Variants in LENG8 observed in about 807,000 individuals in gnomAD.
The protein encoded by LENG8 is leukocyte receptor cluster member 8.
In LENG8, 28 loss-of-function variants were observed where a neutral mutation model predicts 102.1. The ratio of observed to expected loss-of-function variants is 0.27; its 90% CI spans 0.20 to 0.38. The LOEUF is 0.38. Ranked by LOEUF, LENG8 falls within the 10% of genes least tolerant of loss-of-function variation. The pLI, the probability that LENG8 is intolerant of heterozygous loss-of-function variation, is 1.00. For missense variants in LENG8, 1,022 were observed against 1,113.9 expected, an observed-to-expected ratio of 0.92 and a Z score of 1.17; for synonymous variants, 531 against 456.7, an observed-to-expected ratio of 1.16 and a Z score of -2.07.
chr19:54,454,866 C>G, intron 6 of LENG8, 85 bp from the exon 7 acceptor site: 1 of 1,563,398 alleles, frequency 6.4e-7, no homozygotes, highest in Non-Finnish European at 8.7e-7. Flanking sequence ...AGCGCTCCTC[C>G]CTGCATTTCC....
At chr19:54,453,419 T>A in intron 4 of LENG8, 127 bp from the exon 5 acceptor site, 1 of 661,314 alleles carries the variant, frequency 1.5e-6, no homozygotes, top group Admixed American at 2.4e-5. Flanking sequence ...TGTGGTGCAT[T>A]AATATAGTGA....
Position 54,456,725 on chromosome 19 carries a change from G to T in LENG8, c.1535G>T (p.Arg512Leu), listed in dbSNP as rs200163681. ...DPERELKKQK[R>L]AARFQHGHSR... is the part of the protein sequence containing the mutation. ...GAGCGAGAGCTGAAGAAGCAGAAGC[G>T]GGCAGCCCGCTTCCAGCACGGACAC... The change falls in exon 11 of 16, where the codon CGG becomes CTG. Residue 512 changes from arginine to leucine, a missense_variant. Coordinates refer to ENST00000326764, the MANE Select transcript of LENG8 (RefSeq NM_052925.4). 6.2e-7 allele frequency: 1 copy of T among 1,612,610 alleles called. No homozygotes were observed. The highest frequency in any genetic ancestry group is 1.1e-5 in the South Asian group (1 of 90,970).
At chr19:54,454,724 C>T (rs778215135) in intron 6 of LENG8, 42 bp downstream of exon 6, 1 of 1,541,620 alleles carries the variant, frequency 6.5e-7, no homozygotes, top group Non-Finnish European at 8.7e-7. Context: ...CGGTTGGGCC[C>T]TCATAAGAGC....
At chr19:54,458,804 C>A in intron 15 of LENG8, 1 of 1,551,106 alleles carries the variant, frequency 6.4e-7, no homozygotes. Context: ...TCTCTTCCTC[C>A]TGTTCTCTCC....
At position 54,458,246 on chromosome 19, in the gene LENG8, C is replaced by G; in HGVS notation, c.2032+14C>G. On this transcript the variant is annotated intron_variant, in intron 14 of 15. Transcript: ENST00000326764. ...AGAACTCGGGAGGTGAGGCCCAGTC[C>G]CCAGGACAGAGGCCATGGTACCCAG... 6.2e-7 allele frequency: 1 copy of G among 1,614,106 alleles called. No homozygotes were observed.
At chr19:54,460,576 G>T in intron 15 of LENG8, 190 bp from the exon 16 acceptor site, 2 of 1,411,448 alleles carry the variant, frequency 1.4e-6, no homozygotes, top group Non-Finnish European at 1.8e-6. Context: ...CAGGGGACTG[G>T]GGTCACTAAC....
rs140299810 is a variant in LENG8 at position 54,455,404 on chromosome 19, G to A, written c.862G>A (p.Asp288Asn). The change falls in exon 8 of 16, where the codon GAC becomes AAC. Residue 288 changes from aspartate (D) to asparagine (N), a missense_variant. This residue lies in a region of LENG8 where 343 missense variants were observed against 320.2 expected (regional missense o/e 1.07). Transcript: ENST00000326764. ...ARGNLSGKPD[D>N]WPQDMKEYVE... ...GGGGAACCTGTCTGGGAAGCCGGAT[G>A]ACTGGCCCCAGGACATGAAAGAGTA... The A allele has an allele frequency of 8.2e-5, 133 of 1,614,088 alleles. No individual in the cohort carries two copies. Among genetic ancestry groups the A allele is most frequent in the Non-Finnish European group, 1.0e-4 (119 of 1,180,044 alleles).
intron 8 of LENG8, 128 bp downstream of exon 8, chr19:54,455,695 T>C: frequency 1.1e-6 from 1 of 927,280 alleles, no homozygotes; most frequent in Non-Finnish European, 1.6e-6. Context: ...GAAAGTTGGA[T>C]CCTGGGGGGA....
At position 54,458,863 on chromosome 19, in the gene LENG8, T is replaced by C. The variant is rs1014613812; in HGVS notation, c.2240+342T>C. 6 of 1,550,194 alleles carry C rather than the reference T, an allele frequency of 3.9e-6. No individual in the cohort carries two copies. The African/African-American group carries it at 8.2e-5, about 21-fold the overall frequency. ...CTTGCCCTGGGCTTCCTCAGAACCC[T>C]GAGGTCTCTGCTTTCTCAGCTTGTC... On this transcript the variant is annotated intron_variant, in intron 15 of 15. Transcript: ENST00000326764.
chr19:54,461,059 C>T lies in LENG8; in HGVS notation c.*131C>T, dbSNP rs1183192523. Reference sequence around the variant, plus strand: ...GTGCGCTCCAGGAAGAGCCACCATCCCTGCCCCCGTTTTCCCACCGGGGAG... The same window carrying T: ...GTGCGCTCCAGGAAGAGCCACCATCTCTGCCCCCGTTTTCCCACCGGGGAG... On this transcript the variant is annotated 3_prime_UTR_variant, in exon 16 of 16. Transcript: ENST00000326764. The T allele has an allele frequency of 5.9e-6, 8 of 1,344,572 alleles. No individual in the cohort carries two copies. Among genetic ancestry groups the T allele is most frequent in the Non-Finnish European group, 4.1e-6 (4 of 982,520 alleles). 83.3% of individuals were successfully genotyped at this position (1,344,572 alleles called of 1,614,324 possible).
rs780417567 is a variant in LENG8, at chr19:54,457,806, G to T, written c.1791G>T (p.Ala597=). The stretch of plus-strand genomic sequence containing the variant: ...ACTGGAAAGAGAAGCAGGACTACGC[G>T]TTTGCCTGCGAGCAGATGAAGTCGA... ...KCHWKEKQDY[A]FACEQMKSIR... Residue 597 remains alanine, a synonymous_variant, in exon 12 of 16, where the codon GCG becomes GCT. Coordinates refer to ENST00000326764, the MANE Select transcript of LENG8 (RefSeq NM_052925.4). 6.2e-7 allele frequency: 1 copy of T among 1,614,176 alleles called. No homozygotes were observed. Among genetic ancestry groups the T allele is most frequent in the East Asian group, 2.2e-5 (1 of 44,882 alleles).
At chr19:54,456,492 C>A in intron 10 of LENG8, 27 bp downstream of exon 10, 1 of 1,585,190 alleles carries the variant, frequency 6.3e-7, no homozygotes. Context: ...GCTCGACACA[C>A]GGGCCAGGGT....
rs377682386 is a variant in LENG8, at chr19:54,456,206, G to A, written c.1265G>A (p.Arg422His). 3 of 1,612,006 alleles carry A rather than the reference G, an allele frequency of 1.9e-6. No individual in the cohort carries two copies. Among genetic ancestry groups the A allele is most frequent in the Admixed American group, 1.7e-5 (1 of 59,860 alleles). ...SSSSSTDSRS[R>H]SSSRSPTRHF... is the part of the protein sequence containing the mutation. The stretch of plus-strand genomic sequence containing the variant: ...TCTTCCAGCACAGACTCCCGCTCCC[G>A]CTCCTCCTCCAGGTCCCCGACGCGC... The change falls in exon 9 of 16, where the codon CGC becomes CAC. Residue 422 changes from arginine (R) to histidine (H), a missense_variant. Around this residue, in one of 7 missense-constraint regions of LENG8, gnomAD observed 326 missense variants for 324.5 expected, o/e 1.00. Coordinates refer to ENST00000326764, the MANE Select transcript of LENG8 (RefSeq NM_052925.4).
Position 54,459,879 on chromosome 19 carries a change from G to A in LENG8, c.2241-887G>A, listed in dbSNP as rs2084442611. On this transcript the variant is annotated intron_variant, in intron 15 of 15. Coordinates refer to ENST00000326764, the MANE Select transcript of LENG8 (RefSeq NM_052925.4). ...GGCTGCTTAGTCTGCTGCCATGATG[G>A]GCCCCATGAATGGTGGCTCTCAAGC... 3 of 1,169,842 alleles carry A rather than the reference G, an allele frequency of 2.6e-6. No homozygotes were observed. In the South Asian group the frequency reaches 4.8e-5, roughly 19 times the overall value. 72.5% of individuals were successfully genotyped at this position (1,169,842 alleles called of 1,614,324 possible). A position where few individuals can be genotyped will look rare whatever the true frequency, so the allele number is the denominator to read the frequency against.
chr19:54,458,558 C>T, intron 15 of LENG8, 37 bp downstream of exon 15: 2 of 1,613,352 alleles, frequency 1.2e-6, no homozygotes, highest in Non-Finnish European at 8.5e-7. Context: ...CTTTGCTCTT[C>T]CCATCCTTCC....
Position 54,456,155 on chromosome 19 carries a change from A to G in LENG8, c.1214A>G (p.Asn405Ser), listed in dbSNP as rs1441468907. Residue 405 changes from asparagine (N) to serine (S), a missense_variant, in exon 9 of 16, where the codon AAC (asparagine) becomes AGC (serine). Transcript: ENST00000326764. ...AGCTTCACCAAGTTTGGCAACCGCAACGTCTTCATGAAGGACAACAGCTCT... is the reference window on the plus strand; with the variant it reads ...AGCTTCACCAAGTTTGGCAACCGCAGCGTCTTCATGAAGGACAACAGCTCT... Reference protein sequence around the residue: ...GNSFTKFGNRNVFMKDNSSSS... With the variant: ...GNSFTKFGNRSVFMKDNSSSS... 3 of 1,611,392 alleles carry G rather than the reference A, an allele frequency of 1.9e-6. No individual in the cohort carries two copies. The highest frequency in any genetic ancestry group is 2.2e-5 in the East Asian group (1 of 44,826).
rs773117090 is a variant in LENG8, at chr19:54,457,994, T to A, written c.1894T>A (p.Leu632Met). ...GTACGAGACCCATGCCCGGATCGCC[T>A]TGGAGAAGGTGAGCTGGCCTCTGCG... ...EVYETHARIA[L>M]EKGDHEEFNQ... The change falls in exon 13 of 16, where the codon TTG (leucine) becomes ATG (methionine). Residue 632 changes from leucine (L) to methionine (M), a missense_variant. Transcript: ENST00000326764. The A allele has an allele frequency of 1.2e-6, 2 of 1,613,670 alleles. No homozygotes were observed. The highest frequency in any genetic ancestry group is 8.5e-7 in the Non-Finnish European group (1 of 1,180,026).
In LENG8 at chr19:54,454,661, C is replaced by A; in HGVS notation, c.658C>A (p.Gln220Lys). The change falls in exon 6 of 16, where the codon CAG becomes AAG. Residue 220 changes from glutamine (Q) to lysine (K), a missense_variant. Physicochemically the swap from Gln to Lys is moderately conservative, Grantham distance 53 (BLOSUM62 1). Transcript: ENST00000326764. The stretch of plus-strand genomic sequence containing the variant: ...ACCTGCCAAGCCCAAGAAGGGCCAA[C>A]AGCTGTGGAACCGCATGAAACGTAA... ...TEPAKPKKGQ[Q>K]LWNRMKPAPG... is the part of the protein sequence containing the mutation. 1 of 1,602,846 alleles carries A rather than the reference C, an allele frequency of 6.2e-7. No homozygotes were observed.
At position 54,452,761 on chromosome 19, in the gene LENG8, C is replaced by T. The variant is rs1245585255; in HGVS notation, c.315+9C>T. On this transcript the variant is annotated intron_variant, in intron 4 of 15. Transcript: ENST00000326764. ...GCTACTACTATCCCATGGTGAGTGC[C>T]CAGCCAGTGGGGCGGGGCAGGGCGA... The T allele has an allele frequency of 3.7e-6, 6 of 1,601,022 alleles. No individual in the cohort carries two copies. The African/African-American group carries it at 8.0e-5, about 21-fold the overall frequency.
Sources: gnomAD v4.1 joint callset for allele counts on GRCh38, gnomAD v4.1.1 for gene constraint, gnomAD v4.1.1 regional missense constraint, MANE v1.5 for transcripts, NCBI Gene and HGNC (gene_info 2026-07-23, HGNC 2026-07-21) for gene names.